The following DZIP1L variants were observed in gnomAD, a reference collection of about 807,000 sequenced individuals.
DZIP1L encodes DAZ interacting zinc finger protein 1 like.
A neutral mutation model predicts 88.7 loss-of-function variants in DZIP1L; 90 were observed. The ratio of observed to expected loss-of-function variants is 1.02; its 90% CI spans 0.86 to 1.21. The LOEUF is 1.21. Ranked by LOEUF, DZIP1L falls within the 50% of genes most tolerant of loss-of-function variation. The pLI, the probability that DZIP1L is intolerant of heterozygous loss-of-function variation, is 0.00. For missense variants in DZIP1L, 932 were observed against 955.8 expected, an observed-to-expected ratio of 0.98 and a Z score of 0.33; for synonymous variants, 363 against 372.1, an observed-to-expected ratio of 0.98 and a Z score of 0.28.
intron 11 of DZIP1L, among the ~76,000 whole-genome samples, chr3:138,073,505 G>C (rs536527406): frequency 6.6e-6 from 1 of 152,274 alleles, no homozygotes; most frequent in Non-Finnish European, 1.5e-5. Context: ...CCCATTCCTA[G>C]GGGAAGGGGG....
In DZIP1L at chr3:138,092,359, T is replaced by TA. The variant is rs772831989; in HGVS notation, c.870+23dup. On this transcript the variant is annotated intron_variant, in intron 5 of 15. Transcript: ENST00000327532. ...AAGCAGATTTCCAACAAAGAAACTT[T>TA]AAAAAGCCTTTTATGTTGGGTACCT... 110 of 1,498,290 alleles carry TA rather than the reference T, an allele frequency of 7.3e-5. 1 individual carries two copies. The highest frequency in any genetic ancestry group is 9.0e-5 in the Non-Finnish European group (102 of 1,130,470). 92.8% of individuals were successfully genotyped at this position (1,498,290 alleles called of 1,614,324 possible).
At chr3:138,076,539 A>C (rs917334803) in intron 11 of DZIP1L, among the ~76,000 whole-genome samples, 1 of 152,376 alleles carries the variant, frequency 6.6e-6, no homozygotes, top group African/African-American at 2.4e-5. Flanking sequence ...GAGTGGATAA[A>C]GAAACTGATA....
chr3:138,096,949 G>A (rs976283522), intron 3 of DZIP1L, among the ~76,000 whole-genome samples: 1 of 152,140 alleles, frequency 6.6e-6, no homozygotes, highest in African/African-American at 2.4e-5. Flanking sequence ...GGAGACCAAA[G>A]CAGGCAGATC....
At chr3:138,078,982 G>A (rs1452288107) in intron 10 of DZIP1L, among the ~76,000 whole-genome samples, 1 of 152,224 alleles carries the variant, frequency 6.6e-6, no homozygotes, top group Non-Finnish European at 1.5e-5. Context: ...GCAAGAATCA[G>A]AATGCCCTGG....
At chr3:138,110,672 A>G (rs971213223) in intron 1 of DZIP1L, among the ~76,000 whole-genome samples, 8 of 152,028 alleles carry the variant, frequency 5.3e-5, no homozygotes, top group Non-Finnish European at 1.0e-4. Flanking sequence ...CATGACTGGC[A>G]CTCGGGATCA....
At chr3:138,076,456 C>T (rs1407840048) in intron 11 of DZIP1L, among the ~76,000 whole-genome samples, 1 of 152,202 alleles carries the variant, frequency 6.6e-6, no homozygotes, top group Non-Finnish European at 1.5e-5. Flanking sequence ...AAGATACTTA[C>T]ACATGCATGT....
chr3:138,088,606 T>A, intron 5 of DZIP1L, 99 bp from the exon 6 acceptor site: 8 of 1,444,606 alleles, frequency 5.5e-6, no homozygotes, highest in Non-Finnish European at 5.5e-6. Context: ...CTTACCCAAC[T>A]CATCCTCCCA....
At chr3:138,107,204 C>T (rs1477801956) in intron 1 of DZIP1L, among the ~76,000 whole-genome samples, 2 of 152,228 alleles carry the variant, frequency 1.3e-5, no homozygotes, top group Admixed American at 1.3e-4. Context: ...ATCCCCAATG[C>T]AGCAGTGTTG....
At chr3:138,093,705 G>A (rs756721926) in intron 4 of DZIP1L, among the ~76,000 whole-genome samples, 3 of 152,158 alleles carry the variant, frequency 2.0e-5, no homozygotes, top group Non-Finnish European at 4.4e-5. Flanking sequence ...TTATGGAGAT[G>A]GCTTCTTTCC....
chr3:138,097,055 C>T (rs1944508188), intron 3 of DZIP1L, among the ~76,000 whole-genome samples: 1 of 151,926 alleles, frequency 6.6e-6, no homozygotes, highest in African/African-American at 2.4e-5. Context: ...GTGGTGCGTG[C>T]CTGCAGTCCC....
chr3:138,115,036 C>A (rs1407829406), intron 1 of DZIP1L, among the ~76,000 whole-genome samples: 1 of 152,330 alleles, frequency 6.6e-6, no homozygotes, highest in South Asian at 2.1e-4. Context: ...AGTCTTGGGG[C>A]ATCCCGTCAT....
intron 7 of DZIP1L, among the ~76,000 whole-genome samples, chr3:138,085,136 C>A (rs887904528): frequency 2.6e-5 from 4 of 152,138 alleles, no homozygotes; most frequent in African/African-American, 9.7e-5. Flanking sequence ...AACGTTAGAC[C>A]TAAAACCATA....
chr3:138,110,157 A>G (rs151079185), intron 1 of DZIP1L, among the ~76,000 whole-genome samples: 3 of 152,272 alleles, frequency 2.0e-5, no homozygotes, highest in Admixed American at 6.5e-5. Context: ...TTTAGTCATG[A>G]AGTCCTTGCT....
At chr3:138,089,407 T>C (rs1944099252) in intron 5 of DZIP1L, among the ~76,000 whole-genome samples, 1 of 152,224 alleles carries the variant, frequency 6.6e-6, no homozygotes, top group Non-Finnish European at 1.5e-5. Flanking sequence ...TTCGTGGTAT[T>C]TCCATTTAGC....
At chr3:138,107,203 G>A (rs931229055) in intron 1 of DZIP1L, among the ~76,000 whole-genome samples, 4 of 152,210 alleles carry the variant, frequency 2.6e-5, no homozygotes, top group Non-Finnish European at 5.9e-5. Flanking sequence ...AATCCCCAAT[G>A]CAGCAGTGTT....
At chr3:138,101,809 T>C in intron 2 of DZIP1L, 3 of 1,188,214 alleles carry the variant, frequency 2.5e-6, no homozygotes, top group South Asian at 2.4e-5. Context: ...CATCAGCTCC[T>C]GATACTCACG....
In DZIP1L at chr3:138,062,719, T is replaced by A; in HGVS notation, c.*97A>T. ...TCCAAGAGGATGATCTCTTGGTTGT[T>A]TGTGAAGACAAGAGGCCCAGCAGCC... On this transcript the variant is annotated 3_prime_UTR_variant, in exon 16 of 16. Coordinates refer to ENST00000327532, the MANE Select transcript of DZIP1L (RefSeq NM_173543.3). 7.3e-7 allele frequency: 1 copy of A among 1,367,198 alleles called. No homozygotes were observed. The highest frequency in any genetic ancestry group is 1.9e-5 in the Admixed American group (1 of 53,818). 84.7% of individuals were successfully genotyped at this position (1,367,198 alleles called of 1,614,324 possible). A position where few individuals can be genotyped will look rare whatever the true frequency, so the allele number is the denominator to read the frequency against.
chr3:138,091,649 G>GAGGA (rs1944233143), intron 5 of DZIP1L, among the ~76,000 whole-genome samples: 2 of 85,772 alleles, frequency 2.3e-5, no homozygotes, highest in South Asian at 1.3e-3. Context: ...GGGAGGGAGG[G>GAGGA]AGGAAGGAAG....
At chr3:138,076,315 G>GA (rs567045001) in intron 11 of DZIP1L, among the ~76,000 whole-genome samples, 60 of 152,342 alleles carry the variant, frequency 3.9e-4, no homozygotes, top group Non-Finnish European at 7.8e-4. Flanking sequence ...CTGTTGGTGG[G>GA]AATGTAAACT....
Sources: allele counts gnomAD v4.1 joint callset (sites outside exome capture counted in the v4.1 genomes callset), GRCh38; gene constraint gnomAD v4.1.1; transcripts MANE v1.5; gene names NCBI Gene and HGNC (gene_info 2026-07-23, HGNC 2026-07-21).